The following TTC3 variants were observed in gnomAD, a reference collection of about 807,000 sequenced individuals.
TTC3 encodes the protein tetratricopeptide repeat domain 3.
TTC3 carries 180 observed loss-of-function variants against 249.6 expected under a neutral mutation model. The observed-to-expected ratio is 0.72, with a 90% CI of 0.64 to 0.82. The LOEUF (loss-of-function observed/expected upper bound fraction) is 0.82. Ranked by LOEUF, TTC3 falls within the 40% of genes least tolerant of loss-of-function variation. TTC3 has a pLI of 0.00. For missense variants in TTC3, 2,061 were observed against 2,398.4 expected, an observed-to-expected ratio of 0.86 and a Z score of 2.94; for synonymous variants, 717 against 805.0, an observed-to-expected ratio of 0.89 and a Z score of 1.85.
At chr21:37,117,835 CAA>C (rs60664616) in intron 11 of TTC3, among the ~76,000 whole-genome samples, 27 of 73,416 alleles carry the variant, frequency 3.7e-4, no homozygotes, top group East Asian at 4.5e-4. Context: ...TGCGCCACTT[CAA>C]AAAAAAAAAA....
At chr21:37,131,603 T>A (rs1453230947) in intron 16 of TTC3, among the ~76,000 whole-genome samples, 1 of 152,056 alleles carries the variant, frequency 6.6e-6, no homozygotes, top group Non-Finnish European at 1.5e-5. Context: ...GAAGAGGGAC[T>A]CATGGGAACC....
intron 8 of TTC3, 60 bp from the exon 9 acceptor site, chr21:37,095,290 T>G: frequency 9.2e-7 from 1 of 1,083,738 alleles, no homozygotes; most frequent in Non-Finnish European, 1.4e-6. Context: ...TTACTAGGTA[T>G]TGGGTTCTTG....
At chr21:37,112,886 C>T (rs2075798867) in intron 11 of TTC3, among the ~76,000 whole-genome samples, 1 of 152,172 alleles carries the variant, frequency 6.6e-6, no homozygotes, top group African/African-American at 2.4e-5. Context: ...GCCGGTTCAA[C>T]ATATGAAAAT....
intron 23 of TTC3, 21 bp downstream of exon 23, chr21:37,148,668 C>A: frequency 6.6e-7 from 1 of 1,511,044 alleles, no homozygotes; most frequent in South Asian, 1.3e-5. Flanking sequence ...ACAGGATTGT[C>A]TGAATTTTTC....
In TTC3 at chr21:37,148,498, G is replaced by A. The variant is rs766468922; in HGVS notation, c.2017-48G>A. 1.3e-5 allele frequency: 13 copies of A among 1,018,870 alleles called. No individual in the cohort carries two copies. In the Middle Eastern group the frequency reaches 9.7e-4, roughly 76 times the overall value. 63.1% of individuals were successfully genotyped at this position (1,018,870 alleles called of 1,614,324 possible). ...TATGTATGTTGTAGTGAGTGAGTGT[G>A]CAGAGACATCTTTAAAACGTTAATT... On this transcript the variant is annotated intron_variant, in intron 22 of 45. Coordinates refer to ENST00000355666, the Ensembl canonical transcript of TTC3.
At position 37,131,421 on chromosome 21, in the gene TTC3, G is replaced by A. The variant is rs1428921479; in HGVS notation, c.1359-1261G>A. Among the ~76,000 whole-genome samples the A allele has an allele frequency of 2.0e-5, 3 of 152,180 alleles. No homozygotes were observed. The East Asian group carries it at 5.8e-4, about 29-fold the overall frequency. On this transcript the variant is annotated intron_variant, in intron 16 of 45. Transcript: ENST00000355666. ...GGGCATGGGGAGCTTCTGGGCTGAC[G>A]AACACATTGATGTGCTGAGAAAGTG...
At chr21:37,095,760 G>A (rs1396748571) in intron 9 of TTC3, among the ~76,000 whole-genome samples, 1 of 152,154 alleles carries the variant, frequency 6.6e-6, no homozygotes, top group East Asian at 1.9e-4. Context: ...GTTATTAACT[G>A]GTCAAAAAGG....
At chr21:37,142,752 G>A (rs1053402078) in intron 20 of TTC3, among the ~76,000 whole-genome samples, 6 of 152,126 alleles carry the variant, frequency 3.9e-5, no homozygotes, top group Non-Finnish European at 7.4e-5. Flanking sequence ...CTACTTTAAA[G>A]TTCATATGGA....
chr21:37,116,027 A>T (rs2076114006), intron 11 of TTC3, among the ~76,000 whole-genome samples: 1 of 152,170 alleles, frequency 6.6e-6, no homozygotes, highest in Admixed American at 6.6e-5. Flanking sequence ...TGTTTGAGTT[A>T]TAGTGGCTAT....
chr21:37,152,835 A>G, intron 26 of TTC3, 116 bp from the exon 27 acceptor site: 1 of 863,234 alleles, frequency 1.2e-6, no homozygotes, highest in Non-Finnish European at 1.7e-6. Flanking sequence ...TGAGTTTAGT[A>G]AAACAGTATA....
chr21:37,088,089 T>A, intron 3 of TTC3, 107 bp from the exon 4 acceptor site: 2 of 1,068,674 alleles, frequency 1.9e-6, no homozygotes, highest in Admixed American at 2.9e-5. Context: ...ACTTCATTCA[T>A]TCATTTCTTC....
intron 10 of TTC3, among the ~76,000 whole-genome samples, chr21:37,105,252 G>T (rs867317874): frequency 1.3e-5 from 2 of 152,160 alleles, no homozygotes; most frequent in Non-Finnish European, 2.9e-5. Context: ...GACAGCTAGC[G>T]TAGGCAGCTT....
intron 10 of TTC3, among the ~76,000 whole-genome samples, chr21:37,101,918 T>TTACA (rs2074542632): frequency 6.8e-6 from 1 of 147,392 alleles, no homozygotes; most frequent in South Asian, 2.1e-4. Flanking sequence ...AGTATATAGT[T>TTACA]TATATATATA....
exon 42 of TTC3, chr21:37,195,984 C>T (rs960183243): frequency 9.3e-6 from 15 of 1,614,200 alleles, no homozygotes; most frequent in Non-Finnish European, 1.2e-5. Flanking sequence ...TCCAAAAAAG[C>T]CGTTCAATAG....
chr21:37,155,051 TATACTA>T (rs2079890225), intron 27 of TTC3, among the ~76,000 whole-genome samples: 1 of 152,226 alleles, frequency 6.6e-6, no homozygotes, highest in African/African-American at 2.4e-5. Flanking sequence ...AGGATATATG[TATACTA>T]TTTAAAGTAG....
chr21:37,128,780 A>G (rs968991780), intron 15 of TTC3, among the ~76,000 whole-genome samples: 17 of 152,174 alleles, frequency 1.1e-4, no homozygotes, highest in African/African-American at 3.6e-4. Flanking sequence ...GACCTAAATC[A>G]TAATGATCAC....
At chr21:37,082,751 CA>C in intron 1 of TTC3, 2 of 985,010 alleles carry the variant, frequency 2.0e-6, no homozygotes, top group South Asian at 9.4e-5. Flanking sequence ...TTTTTCCTCC[CA>C]ACAGTACATT....
chr21:37,076,984 C>A (rs1038197999), intron 1 of TTC3, among the ~76,000 whole-genome samples: 3 of 151,914 alleles, frequency 2.0e-5, no homozygotes, highest in African/African-American at 7.3e-5. Context: ...TACAGGCCAC[C>A]GCGCCTGGCC....
intron 1 of TTC3, among the ~76,000 whole-genome samples, chr21:37,081,276 C>T (rs1394323237): frequency 3.3e-5 from 5 of 151,870 alleles, no homozygotes; most frequent in Admixed American, 6.6e-5. Flanking sequence ...TGCCACCATG[C>T]CTGGCCAATT....
Sources: allele counts gnomAD v4.1 joint callset (sites outside exome capture counted in the v4.1 genomes callset), GRCh38; gene constraint gnomAD v4.1.1; transcripts MANE v1.5; gene names NCBI Gene and HGNC (gene_info 2026-07-23, HGNC 2026-07-21).